GKAP1: variants seen among roughly 807,000 people sequenced by gnomAD.
GKAP1 encodes the protein G kinase anchoring protein 1, also known as G kinase-anchoring protein 1.
A neutral mutation model predicts 56.7 loss-of-function variants in GKAP1; 31 were observed. That is an observed-to-expected ratio of 0.55 (90% CI 0.41 to 0.74). GKAP1 has a LOEUF of 0.74. Among genes scored for constraint, GKAP1 ranks in the 30% least tolerant of loss-of-function variants. The pLI is 0.00. For synonymous variants in GKAP1, 151 were observed against 138.6 expected (o/e 1.09, Z -0.63); for missense variants, 364 against 402.3 (o/e 0.90, Z 0.82).
rs184772722 is a variant in GKAP1 at position 83,785,189 on chromosome 9, A to G, written c.439-351T>C. On this transcript the variant is annotated intron_variant, in intron 5 of 12. Coordinates refer to ENST00000376371, the MANE Select transcript of GKAP1 (RefSeq NM_025211.4). ...GTCTCTGATACTAAAGTTAAGGTCA[A>G]TCTCCTCTTTATTGCCATATCCAAA... Among the ~76,000 whole-genome samples, 8 of 152,044 alleles carry G rather than the reference A, an allele frequency of 5.3e-5. No individual in the cohort carries two copies. In the East Asian group the frequency reaches 1.2e-3, roughly 22 times the overall value.
chr9:83,813,881 G>A (rs901777387), intron 2 of GKAP1, among the ~76,000 whole-genome samples: 1 of 152,180 alleles, frequency 6.6e-6, no homozygotes, highest in African/African-American at 2.4e-5. Flanking sequence ...TGGGCAGATT[G>A]CTTGAGCCCA....
chr9:83,767,042 C>G (rs1943676067), intron 8 of GKAP1, among the ~76,000 whole-genome samples: 1 of 152,150 alleles, frequency 6.6e-6, no homozygotes, highest in Admixed American at 6.5e-5. Flanking sequence ...GGGTCAAGAA[C>G]AGGTTTATAG....
intron 10 of GKAP1, among the ~76,000 whole-genome samples, chr9:83,743,601 A>C (rs1206036241): frequency 1.3e-5 from 2 of 152,198 alleles, no homozygotes. Context: ...CTCAAAATAA[A>C]TAAATAAAAA....
intron 4 of GKAP1, among the ~76,000 whole-genome samples, chr9:83,796,211 C>A (rs1944244382): frequency 6.6e-6 from 1 of 151,876 alleles, no homozygotes; most frequent in Non-Finnish European, 1.5e-5. Flanking sequence ...GGATTACAGG[C>A]ATGAGCCACT....
intron 12 of GKAP1, 152 bp downstream of exon 12, chr9:83,741,800 A>G: frequency 1.7e-6 from 1 of 592,628 alleles, no homozygotes; most frequent in South Asian, 2.1e-5. Context: ...AACATCTTCT[A>G]CATTGTAAAT....
intron 3 of GKAP1, among the ~76,000 whole-genome samples, chr9:83,801,872 A>ATTT (rs1415740573): frequency 1.1e-4 from 16 of 152,224 alleles, no homozygotes; most frequent in African/African-American, 3.9e-4. Flanking sequence ...TCTTTCCTTT[A>ATTT]AAGTTACTGT....
At chr9:83,747,787 C>T (rs1038698248) in intron 10 of GKAP1, among the ~76,000 whole-genome samples, 3 of 152,080 alleles carry the variant, frequency 2.0e-5, no homozygotes, top group Non-Finnish European at 4.4e-5. Flanking sequence ...CAGGTGTGCA[C>T]TACCACACCT....
chr9:83,780,698 C>A (rs1049717611), intron 6 of GKAP1, among the ~76,000 whole-genome samples: 2 of 152,088 alleles, frequency 1.3e-5, no homozygotes, highest in African/African-American at 4.8e-5. Context: ...TCCACATAAT[C>A]TAGTTTTTTG....
At chr9:83,784,420 C>A (rs12344699) in intron 6 of GKAP1, among the ~76,000 whole-genome samples, 9,309 of 152,200 alleles carry the variant, frequency 0.061, 938 homozygotes, top group African/African-American at 0.21. Context: ...CTCACTCTTG[C>A]CATGTGATGA....
At chr9:83,780,103 G>A (rs1281619997) in intron 7 of GKAP1, among the ~76,000 whole-genome samples, 2 of 151,938 alleles carry the variant, frequency 1.3e-5, no homozygotes, top group Admixed American at 6.6e-5. Context: ...TTTAAGCTTG[G>A]CACACACAAA....
intron 7 of GKAP1, 60 bp downstream of exon 7, chr9:83,780,322 T>C (rs575366200): frequency 1.0e-6 from 1 of 1,001,764 alleles, no homozygotes; most frequent in East Asian, 2.6e-5. Flanking sequence ...CTGCTAAGTA[T>C]TTAAGTATTA....
chr9:83,794,924 GA>G (rs1456009613), intron 4 of GKAP1, among the ~76,000 whole-genome samples: 1 of 152,040 alleles, frequency 6.6e-6, no homozygotes, highest in Non-Finnish European at 1.5e-5. Flanking sequence ...TGGAGGTGGG[GA>G]GGGGAGGATC....
chr9:83,782,502 G>A (rs1173940903), intron 6 of GKAP1, among the ~76,000 whole-genome samples: 1 of 151,536 alleles, frequency 6.6e-6, no homozygotes, highest in Non-Finnish European at 1.5e-5. Context: ...GGGATTACAG[G>A]AATGCACCAC....
chr9:83,741,098 C>G (rs530577263), intron 12 of GKAP1, among the ~76,000 whole-genome samples: 1 of 152,032 alleles, frequency 6.6e-6, no homozygotes, highest in Non-Finnish European at 1.5e-5. Context: ...TACCCACCCA[C>G]TATACATAAA....
chr9:83,753,450 TTC>T (rs1943426712), intron 8 of GKAP1, 91 bp from the exon 9 acceptor site: 17 of 844,418 alleles, frequency 2.0e-5, no homozygotes, highest in Middle Eastern at 2.2e-4. Context: ...AGAGGAAAAA[TTC>T]TGACCTTAAT....
intron 3 of GKAP1, 98 bp downstream of exon 3, chr9:83,806,204 G>A: frequency 1.4e-6 from 1 of 702,098 alleles, no homozygotes; most frequent in Non-Finnish European, 2.4e-6. Context: ...AGTACCTGTG[G>A]AACAGGTACT....
intron 7 of GKAP1, among the ~76,000 whole-genome samples, chr9:83,779,553 A>ATATATATACAGGTG (rs1564201796): frequency 4.3e-4 from 12 of 27,678 alleles, no homozygotes; most frequent in Non-Finnish European, 1.1e-3. Context: ...ATACACGTGT[A>ATATATATACAGGTG]TATGTGTATA....
At chr9:83,759,936 T>G (rs1178706252) in intron 8 of GKAP1, among the ~76,000 whole-genome samples, 1 of 152,224 alleles carries the variant, frequency 6.6e-6, no homozygotes, top group African/African-American at 2.4e-5. Flanking sequence ...TTTGCCACAG[T>G]CTTTTCCAAC....
At chr9:83,773,264 G>A (rs557112371) in intron 7 of GKAP1, among the ~76,000 whole-genome samples, 1 of 152,204 alleles carries the variant, frequency 6.6e-6, no homozygotes, top group East Asian at 1.9e-4. Context: ...AGTGAAAGAA[G>A]CCAAACACAA....
Sources: gnomAD v4.1 joint callset for allele counts (sites outside exome capture counted in the v4.1 genomes callset) on GRCh38, gnomAD v4.1.1 for gene constraint, MANE v1.5 for transcripts, NCBI Gene and HGNC (gene_info 2026-07-23, HGNC 2026-07-21) for gene names.